Variants in SBNO1 observed in about 807,000 individuals in gnomAD.
The protein encoded by SBNO1 is protein strawberry notch homolog 1.
In SBNO1, 23 loss-of-function variants were observed where a neutral mutation model predicts 173.6. The observed-to-expected ratio is 0.13, with a 90% confidence interval of 0.10 to 0.19. SBNO1 has a LOEUF of 0.19. Among genes scored for constraint, SBNO1 ranks in the 10% least tolerant of loss-of-function variants. The pLI, the probability that SBNO1 is intolerant of heterozygous loss-of-function variation, is 1.00. For synonymous variants in SBNO1, 632 were observed against 571.5 expected (o/e 1.11, Z -1.51); for missense variants, 1,238 against 1,671.2 (o/e 0.74, Z 4.52).
At chr12:123,353,144 C>A (rs1228882648) in intron 1 of SBNO1, among the ~76,000 whole-genome samples, 1 of 152,082 alleles carries the variant, frequency 6.6e-6, no homozygotes, top group Admixed American at 6.6e-5. Flanking sequence ...GGAAAAGCAA[C>A]CTGAGGAAGA....
chr12:123,314,529 C>T (rs1293046747), intron 23 of SBNO1, among the ~76,000 whole-genome samples: 3 of 152,064 alleles, frequency 2.0e-5, no homozygotes, highest in African/African-American at 7.2e-5. Flanking sequence ...AGGGTTTCAC[C>T]ATGTTGGCCA....
chr12:123,295,514 ATGT>A lies in SBNO1; in HGVS notation c.*391_*393del, dbSNP rs1367733021. Reference sequence around the variant, plus strand: ...GATACCTCCCACAGCAATGGCATGGATGTACTGCGTTAACCCTGAGCACTGTAT... The same window carrying A: ...GATACCTCCCACAGCAATGGCATGGAACTGCGTTAACCCTGAGCACTGTAT... On this transcript the variant is annotated 3_prime_UTR_variant, in exon 32 of 32. Transcript: ENST00000602398. 1.9e-5 allele frequency: 3 copies of A among 160,156 alleles called. No individual in the cohort carries two copies. Among genetic ancestry groups the A allele is most frequent in the Non-Finnish European group, 4.1e-5 (3 of 73,194 alleles). The allele number at this position is 160,156 out of a possible 1,614,324, so 9.9% of individuals were successfully genotyped here.
At chr12:123,312,031 C>G (rs1358721630) in intron 24 of SBNO1, among the ~76,000 whole-genome samples, 1 of 151,876 alleles carries the variant, frequency 6.6e-6, no homozygotes, top group African/African-American at 2.4e-5. Context: ...TGAGCCACTG[C>G]GCCTAGCCAT....
Position 123,330,572 on chromosome 12 carries a change from A to C in SBNO1, c.1044-63T>G, listed in dbSNP as rs1871093912. On this transcript the variant is annotated intron_variant, in intron 8 of 31. Transcript: ENST00000602398. The stretch of plus-strand genomic sequence containing the variant: ...TATATCATTCTAGAATTCAGGAATA[A>C]AATTAATAAAGCCAGGTCTTGACAC... 5 of 969,118 alleles carry C rather than the reference A, an allele frequency of 5.2e-6. No individual in the cohort carries two copies. In the Admixed American group the frequency reaches 1.0e-4, roughly 20 times the overall value. 60.0% of individuals were successfully genotyped at this position (969,118 alleles called of 1,614,324 possible).
Position 123,311,139 on chromosome 12 carries a change from C to A in SBNO1, c.3221-10G>T, listed in dbSNP as rs1339737170. ...AGTCCTTGTCGAACATCTGTAAGAA[C>A]AGGATCAATTCTGACTCATAAATTA... On this transcript the variant is annotated splice_polypyrimidine_tract_variant and intron_variant, in intron 24 of 31. Transcript: ENST00000602398. 1.9e-6 allele frequency: 3 copies of A among 1,604,494 alleles called. No homozygotes were observed. The highest frequency in any genetic ancestry group is 1.3e-5 in the African/African-American group (1 of 74,712).
At chr12:123,329,517 A>G (rs533131809) in intron 9 of SBNO1, among the ~76,000 whole-genome samples, 19 of 152,148 alleles carry the variant, frequency 1.2e-4, no homozygotes, top group Non-Finnish European at 2.6e-4. Flanking sequence ...TACTATATGC[A>G]AAACACTGTG....
intron 1 of SBNO1, among the ~76,000 whole-genome samples, chr12:123,357,127 T>A (rs1191441520): frequency 6.6e-6 from 1 of 152,176 alleles, no homozygotes; most frequent in Non-Finnish European, 1.5e-5. Context: ...AAGAAGTTAG[T>A]TTACAAGAAT....
Position 123,320,613 on chromosome 12 carries a change from TAAAG to T in SBNO1, c.2492-10_2492-7del. On this transcript the variant is annotated splice_region_variant and splice_polypyrimidine_tract_variant and intron_variant, in intron 18 of 31. Coordinates refer to ENST00000602398, the MANE Select transcript of SBNO1 (RefSeq NM_001167856.3). ...ACTGTTGGTGTTACTGTTAGCTAGA[TAAAG>T]AACATTTGCTAAAAGTTAGTACAAA... 1 of 1,605,016 alleles carries T rather than the reference TAAAG, an allele frequency of 6.2e-7. No homozygotes were observed. Among genetic ancestry groups the T allele is most frequent in the Non-Finnish European group, 8.5e-7 (1 of 1,177,162 alleles).
rs1450310436 is a variant in SBNO1 at position 123,294,505 on chromosome 12, G to A, written c.*1403C>T. 6.5e-6 allele frequency: 1 copy of A among 152,870 alleles called. No homozygotes were observed. The highest frequency in any genetic ancestry group is 2.4e-5 in the African/African-American group (1 of 41,322). The allele number at this position is 152,870 out of a possible 1,614,324, so 9.5% of individuals were successfully genotyped here. The stretch of plus-strand genomic sequence containing the variant: ...ACTACTTCTGAAGGTCACCAGTGAG[G>A]GCCTAAACAAGAGTCCACTTCTTGT... On this transcript the variant is annotated 3_prime_UTR_variant, in exon 32 of 32. Transcript: ENST00000602398.
intron 25 of SBNO1, 150 bp from the exon 26 acceptor site, chr12:123,310,006 TTC>T (rs879926769): frequency 3.0e-5 from 19 of 636,070 alleles, no homozygotes; most frequent in Non-Finnish European, 4.3e-5. Flanking sequence ...ATCTGCCCAT[TTC>T]TCTCTCTAGC....
chr12:123,320,045 C>CA lies in SBNO1; in HGVS notation c.2668-15dup. On this transcript the variant is annotated splice_polypyrimidine_tract_variant and intron_variant, in intron 19 of 31. Transcript: ENST00000602398. ...GCGGCCAGTCATCTGAGAAGCCAAA[C>CA]AATGTCATTACAATGAAGGTATCTG... 6.2e-7 allele frequency: 1 copy of CA among 1,613,748 alleles called. No individual in the cohort carries two copies. Among genetic ancestry groups the CA allele is most frequent in the Non-Finnish European group, 8.5e-7 (1 of 1,179,896 alleles).
intron 31 of SBNO1, 105 bp from the exon 32 acceptor site, chr12:123,296,155 A>G (rs2048589882): frequency 1.5e-6 from 1 of 647,156 alleles, no homozygotes; most frequent in Non-Finnish European, 2.8e-6. Flanking sequence ...GTAATGGACA[A>G]GAAGTTCACA....
rs764679507 is a variant in SBNO1 at position 123,345,514 on chromosome 12, G to A, written c.294C>T (p.Pro98=). ...TAGTCATTACAATTGTAGATCCCAAGGGTGGAAGATGATTTATTTGATTCA... is the reference window on the plus strand; with the variant it reads ...TAGTCATTACAATTGTAGATCCCAAAGGTGGAAGATGATTTATTTGATTCA... ...FVLNQINHLP[P]LGSTIVMTKT... The change falls in exon 4 of 32, where the codon CCC becomes CCT. Residue 98 remains proline, a synonymous_variant. Coordinates refer to ENST00000602398, the MANE Select transcript of SBNO1 (RefSeq NM_001167856.3). The A allele has an allele frequency of 5.6e-6, 9 of 1,614,028 alleles. No individual in the cohort carries two copies. The highest frequency in any genetic ancestry group is 2.2e-5 in the South Asian group (2 of 91,086).
chr12:123,332,252 C>CT (rs948664148), intron 7 of SBNO1, among the ~76,000 whole-genome samples: 7 of 152,266 alleles, frequency 4.6e-5, no homozygotes, highest in African/African-American at 1.7e-4. Context: ...CGCCATACCC[C>CT]TTATCAACAC....
At chr12:123,296,925 G>A (rs1240405113) in intron 31 of SBNO1, among the ~76,000 whole-genome samples, 1 of 150,692 alleles carries the variant, frequency 6.6e-6, no homozygotes, top group Admixed American at 6.6e-5. Flanking sequence ...TCAAACTCCT[G>A]GACTCCAGCA....
intron 21 of SBNO1, among the ~76,000 whole-genome samples, chr12:123,316,808 T>C (rs1239658956): frequency 6.7e-6 from 1 of 149,670 alleles, no homozygotes; most frequent in Middle Eastern, 3.4e-3. Context: ...GTTCAAGCAA[T>C]TCTCCCGTCT....
chr12:123,363,742 C>A, intron 1 of SBNO1: 1 of 546,468 alleles, frequency 1.8e-6, no homozygotes, highest in Non-Finnish European at 2.3e-6. Context: ...AAAAGCCTCC[C>A]ACAGTAAACC....
intron 1 of SBNO1, among the ~76,000 whole-genome samples, chr12:123,356,221 C>T (rs1378218104): frequency 6.6e-6 from 1 of 152,150 alleles, no homozygotes; most frequent in Non-Finnish European, 1.5e-5. Context: ...TAAAATAATA[C>T]AAATAGAACT....
chr12:123,295,580 T>G lies in SBNO1; in HGVS notation c.*328A>C. ...AAGCCAGTTTGGGAAGTTCCAAGCA[T>G]TTTAAACCAACTGTGGTCTGTAGCC... is the stretch of plus-strand genomic sequence containing the variant. On this transcript the variant is annotated 3_prime_UTR_variant, in exon 32 of 32. Coordinates refer to ENST00000602398, the MANE Select transcript of SBNO1 (RefSeq NM_001167856.3). The G allele has an allele frequency of 4.3e-6, 1 of 231,832 alleles. No individual in the cohort carries two copies. The highest frequency in any genetic ancestry group is 8.6e-6 in the Non-Finnish European group (1 of 116,546). 14.4% of individuals were successfully genotyped at this position (231,832 alleles called of 1,614,324 possible). A position where few individuals can be genotyped will look rare whatever the true frequency, so the allele number is the denominator to read the frequency against.
Sources: gnomAD v4.1 joint callset for allele counts (sites outside exome capture counted in the v4.1 genomes callset) on GRCh38, gnomAD v4.1.1 for gene constraint, MANE v1.5 for transcripts, NCBI Gene and HGNC (gene_info 2026-07-23, HGNC 2026-07-21) for gene names.